Variants in CNBD1 observed in about 807,000 individuals in gnomAD.
CNBD1 encodes cyclic nucleotide binding domain containing 1, also known as cyclic nucleotide-binding domain-containing protein 1.
In CNBD1, 71 loss-of-function variants were observed where a neutral mutation model predicts 54.4. The ratio of observed to expected loss-of-function variants is 1.30; its 90% CI spans 1.08 to 1.59. CNBD1 has a LOEUF of 1.59. Ranked by LOEUF, CNBD1 falls within the 40% of genes most tolerant of loss-of-function variation. The probability of loss-of-function intolerance (pLI) is 0.00; values close to 1 mark genes in which losing one functional copy is unlikely to be tolerated. For missense variants in CNBD1, 659 were observed against 518.0 expected, an observed-to-expected ratio of 1.27 and a Z score of -2.64; for synonymous variants, 182 against 170.7, an observed-to-expected ratio of 1.07 and a Z score of -0.51.
At position 87,297,163 on chromosome 8, in the gene CNBD1, CAAAAAAAA is replaced by C. The variant is rs555582073; in HGVS notation, c.1042+10507_1042+10514del. ...ACTGCAGTCCAGCCTGGGTCCGTCT[CAAAAAAAA>C]AAAAAAAAAAAAAAGGAAAAAATTA... On this transcript the variant is annotated intron_variant, in intron 8 of 10. Coordinates refer to ENST00000518476, the MANE Select transcript of CNBD1 (RefSeq NM_173538.3). Among the ~76,000 whole-genome samples the C allele has an allele frequency of 8.2e-4, 73 of 88,730 alleles. 2 individuals carry two copies. Among genetic ancestry groups the C allele is most frequent in the East Asian group, 2.2e-3 (5 of 2,312 alleles). 58.2% of individuals were successfully genotyped at this position (88,730 alleles called of 152,430 possible).
intron 4 of CNBD1, among the ~76,000 whole-genome samples, chr8:87,093,416 C>T (rs1811257401): frequency 6.6e-6 from 1 of 152,070 alleles, no homozygotes; most frequent in African/African-American, 2.4e-5. Flanking sequence ...AATGTTGAAA[C>T]TTGAGTTGTA....
chr8:87,031,160 G>C (rs750121827), intron 4 of CNBD1, among the ~76,000 whole-genome samples: 15 of 151,522 alleles, frequency 9.9e-5, no homozygotes, highest in Non-Finnish European at 1.6e-4. Flanking sequence ...GGGAATAGGG[G>C]GTTAGAAATG....
intron 8 of CNBD1, among the ~76,000 whole-genome samples, chr8:87,319,805 A>G (rs1222616356): frequency 1.3e-5 from 2 of 152,090 alleles, no homozygotes; most frequent in Admixed American, 6.6e-5. Flanking sequence ...GCGTTTCTAT[A>G]TAGCTCATAA....
intron 8 of CNBD1, among the ~76,000 whole-genome samples, chr8:87,346,473 C>A (rs1048714441): frequency 1.3e-5 from 2 of 151,522 alleles, no homozygotes; most frequent in South Asian, 4.2e-4. Flanking sequence ...ATCCAATTGG[C>A]CAATTATGAA....
chr8:87,073,597 C>T (rs1331486711), intron 4 of CNBD1, among the ~76,000 whole-genome samples: 1 of 152,082 alleles, frequency 6.6e-6, no homozygotes, highest in Non-Finnish European at 1.5e-5. Flanking sequence ...CCACTCCAGA[C>T]CATAGTTGCC....
intron 8 of CNBD1, among the ~76,000 whole-genome samples, chr8:87,315,738 G>A (rs1809372682): frequency 6.6e-6 from 1 of 151,986 alleles, no homozygotes; most frequent in Non-Finnish European, 1.5e-5. Flanking sequence ...AATGTAGGTT[G>A]GTTAATGGTT....
intron 4 of CNBD1, among the ~76,000 whole-genome samples, chr8:87,124,362 G>A (rs1221277468): frequency 1.3e-5 from 2 of 151,556 alleles, no homozygotes; most frequent in Non-Finnish European, 3.0e-5. Flanking sequence ...ATTATATCAG[G>A]TGTCTCTGTG....
chr8:87,353,821 T>C (rs756591585), intron 10 of CNBD1, 35 bp downstream of exon 10: 1 of 1,497,818 alleles, frequency 6.7e-7, no homozygotes, highest in Non-Finnish European at 9.1e-7. Context: ...TGTTATACCA[T>C]TTTATTGGAT....
chr8:87,096,341 G>A (rs1049266203), intron 4 of CNBD1, among the ~76,000 whole-genome samples: 5 of 129,440 alleles, frequency 3.9e-5, no homozygotes, highest in African/African-American at 1.6e-4. Context: ...GCTCTCTGGT[G>A]TCTTTTTTTT....
At chr8:87,303,154 G>A (rs1239492822) in intron 8 of CNBD1, among the ~76,000 whole-genome samples, 219 of 151,606 alleles carry the variant, frequency 1.4e-3, no homozygotes, top group African/African-American at 4.8e-3. Flanking sequence ...TTCATATGGA[G>A]CCAAAAAAGA....
At chr8:86,987,119 A>G (rs1808626500) in intron 4 of CNBD1, among the ~76,000 whole-genome samples, 1 of 152,206 alleles carries the variant, frequency 6.6e-6, no homozygotes, top group South Asian at 2.1e-4. Flanking sequence ...CCATTTTAAT[A>G]ACATTGATTT....
intron 4 of CNBD1, among the ~76,000 whole-genome samples, chr8:87,036,905 T>C (rs2130603244): frequency 6.6e-6 from 1 of 152,286 alleles, no homozygotes; most frequent in African/African-American, 2.4e-5. Flanking sequence ...TAAGATTTTC[T>C]TTGCCTTCAT....
rs922513919 is a variant in CNBD1, at chr8:86,879,287, C to G, written c.89-8255C>G. ...AGATGAATAGAAAATGGACCCTGTT[C>G]TAAGGGGAGCATCATAAATCTGAAG... On this transcript the variant is annotated intron_variant, in intron 1 of 10. Coordinates refer to ENST00000518476, the MANE Select transcript of CNBD1 (RefSeq NM_173538.3). 2.6e-4 allele frequency among the ~76,000 whole-genome samples: 40 copies of G among 152,122 alleles called. No individual in the cohort carries two copies. The Middle Eastern group carries it at 0.01, about 39-fold the overall frequency.
chr8:87,351,033 A>C (rs896386727), intron 8 of CNBD1, among the ~76,000 whole-genome samples: 8 of 152,192 alleles, frequency 5.3e-5, no homozygotes, highest in Non-Finnish European at 1.2e-4. Flanking sequence ...ACCAGGCAAC[A>C]TGCTAAATAC....
intron 4 of CNBD1, among the ~76,000 whole-genome samples, chr8:87,099,085 T>C (rs140968462): frequency 2.5e-3 from 375 of 147,568 alleles, no homozygotes; most frequent in African/African-American, 9.1e-3. Flanking sequence ...TTGACCCTTA[T>C]GCTTATATGC....
intron 6 of CNBD1, among the ~76,000 whole-genome samples, chr8:87,248,546 G>A (rs1453118779): frequency 2.0e-5 from 3 of 152,144 alleles, no homozygotes; most frequent in Non-Finnish European, 2.9e-5. Context: ...AATACAGGGC[G>A]CTTGATCGCC....
At chr8:87,339,264 C>G (rs995339210) in intron 8 of CNBD1, among the ~76,000 whole-genome samples, 1 of 152,146 alleles carries the variant, frequency 6.6e-6, no homozygotes. Flanking sequence ...TGTAAAAACT[C>G]ATAAAAATTC....
chr8:86,933,768 T>G (rs1809498243), intron 3 of CNBD1, among the ~76,000 whole-genome samples: 1 of 152,142 alleles, frequency 6.6e-6, no homozygotes, highest in South Asian at 2.1e-4. Context: ...TCTTTTTTAT[T>G]TGTTTAATAA....
intron 5 of CNBD1, among the ~76,000 whole-genome samples, chr8:87,222,049 A>C (rs958120609): frequency 6.6e-6 from 1 of 152,094 alleles, no homozygotes. Context: ...TTGTTATCTT[A>C]TCTCTGCAAT....
Sources: gnomAD v4.1 joint callset for allele counts (sites outside exome capture counted in the v4.1 genomes callset) on GRCh38, gnomAD v4.1.1 for gene constraint, MANE v1.5 for transcripts, NCBI Gene and HGNC (gene_info 2026-07-23, HGNC 2026-07-21) for gene names.